STEAP1B: variants seen among roughly 807,000 people sequenced by gnomAD.
STEAP1B encodes STEAP family member 1B.
In STEAP1B, 13 loss-of-function variants were observed where a neutral mutation model predicts 27.9. That is an observed-to-expected ratio of 0.47 (90% confidence interval 0.30 to 0.74). The LOEUF is 0.74. STEAP1B is among the 30% of genes least tolerant of loss of function. STEAP1B has a pLI of 0.06. For synonymous variants in STEAP1B, 86 were observed against 107.1 expected, an observed-to-expected ratio of 0.80 and a Z score of 1.22; for missense variants, 250 against 298.7, an observed-to-expected ratio of 0.84 and a Z score of 1.20.
intron 4 of STEAP1B, among the ~76,000 whole-genome samples, chr7:22,467,795 G>A (rs986889219): frequency 1.3e-5 from 2 of 152,156 alleles, no homozygotes; most frequent in Non-Finnish European, 2.9e-5. Flanking sequence ...AGTCTCGGGT[G>A]TGTCTTTATC....
intron 4 of STEAP1B, among the ~76,000 whole-genome samples, chr7:22,484,891 A>G (rs185845056): frequency 1.2e-4 from 18 of 152,348 alleles, no homozygotes; most frequent in Admixed American, 4.6e-4. Context: ...GAAAAAGTCA[A>G]TGCAGATGTA....
chr7:22,473,801 T>C (rs763275787), intron 4 of STEAP1B, among the ~76,000 whole-genome samples: 2 of 152,154 alleles, frequency 1.3e-5, no homozygotes, highest in Non-Finnish European at 2.9e-5. Flanking sequence ...AGTGCCTCTG[T>C]AGGCTAGATC....
At chr7:22,441,831 C>G (rs901111942) in intron 4 of STEAP1B, among the ~76,000 whole-genome samples, 1 of 152,242 alleles carries the variant, frequency 6.6e-6, no homozygotes, top group Non-Finnish European at 1.5e-5. Context: ...GCTTCACCAC[C>G]TGTATATAAA....
At chr7:22,451,782 T>C (rs1248848800) in intron 4 of STEAP1B, among the ~76,000 whole-genome samples, 2 of 152,212 alleles carry the variant, frequency 1.3e-5, no homozygotes, top group Non-Finnish European at 2.9e-5. Flanking sequence ...TGAATTTGGT[T>C]TGCTATTATT....
At chr7:22,484,344 T>C (rs1015260400) in intron 4 of STEAP1B, among the ~76,000 whole-genome samples, 1 of 152,226 alleles carries the variant, frequency 6.6e-6, no homozygotes, top group African/African-American at 2.4e-5. Flanking sequence ...CTGAAAATCC[T>C]GGGGTCCTTC....
chr7:22,450,978 T>C (rs1785478047), intron 4 of STEAP1B, among the ~76,000 whole-genome samples: 1 of 152,146 alleles, frequency 6.6e-6, no homozygotes. Flanking sequence ...GCAGATCACC[T>C]GAGGTCAGGA....
At chr7:22,479,437 G>T (rs907283943) in intron 4 of STEAP1B, among the ~76,000 whole-genome samples, 4 of 152,172 alleles carry the variant, frequency 2.6e-5, no homozygotes, top group African/African-American at 9.7e-5. Flanking sequence ...TTTCTGCTAG[G>T]TAAGTAGAAA....
intron 4 of STEAP1B, among the ~76,000 whole-genome samples, chr7:22,463,188 G>C (rs1334593387): frequency 1.3e-4 from 19 of 151,902 alleles, no homozygotes. Context: ...CAAATCATGA[G>C]TGAACTCCCA....
chr7:22,450,217 T>C (rs553365356), intron 4 of STEAP1B, among the ~76,000 whole-genome samples: 3 of 150,054 alleles, frequency 2.0e-5, no homozygotes, highest in African/African-American at 7.6e-5. Context: ...ATCACTCAAG[T>C]GCTTGTGGAG....
At chr7:22,439,451 G>A (rs765882422) in intron 4 of STEAP1B, among the ~76,000 whole-genome samples, 2 of 151,170 alleles carry the variant, frequency 1.3e-5, no homozygotes, top group Admixed American at 6.6e-5. Flanking sequence ...TTTCATACAA[G>A]TCATGAAATC....
intron 4 of STEAP1B, among the ~76,000 whole-genome samples, chr7:22,478,063 G>A (rs75281563): frequency 0.11 from 16,051 of 152,168 alleles, 916 homozygotes; most frequent in Non-Finnish European, 0.13. Context: ...GCTGCTGGGC[G>A]GCCTGAGAGT....
intron 2 of STEAP1B, 91 bp from the exon 3 acceptor site, chr7:22,493,927 C>T (rs1786392488): frequency 7.1e-7 from 1 of 1,417,630 alleles, no homozygotes; most frequent in African/African-American, 1.5e-5. Context: ...CATTGTGCTT[C>T]TCATTGAATA....
chr7:22,458,218 T>C (rs931052725), intron 4 of STEAP1B, among the ~76,000 whole-genome samples: 1 of 151,966 alleles, frequency 6.6e-6, no homozygotes. Context: ...GAGGAAAAAA[T>C]GTGATGCCAT....
At chr7:22,433,513 T>C (rs149506448) in intron 4 of STEAP1B, among the ~76,000 whole-genome samples, 2 of 147,466 alleles carry the variant, frequency 1.4e-5, no homozygotes, top group Non-Finnish European at 3.0e-5. Flanking sequence ...GGAGAGAGGA[T>C]TTTCCTGCTC....
intron 4 of STEAP1B, among the ~76,000 whole-genome samples, chr7:22,478,682 G>T (rs79116399): frequency 0.023 from 3,506 of 152,262 alleles, 50 homozygotes; most frequent in South Asian, 0.03. Flanking sequence ...TCTTACTTGG[G>T]GGGGGCTTGG....
chr7:22,489,713 T>A (rs1281647746), intron 4 of STEAP1B, among the ~76,000 whole-genome samples: 2 of 152,128 alleles, frequency 1.3e-5, no homozygotes, highest in African/African-American at 4.8e-5. Context: ...TGGAACAGGC[T>A]CTCCCTCACA....
intron 4 of STEAP1B, among the ~76,000 whole-genome samples, chr7:22,447,352 G>A (rs1209897708): frequency 1.3e-5 from 2 of 152,192 alleles, no homozygotes; most frequent in African/African-American, 4.8e-5. Flanking sequence ...CTTCTTGTGT[G>A]TGTACTGGTC....
intron 4 of STEAP1B, among the ~76,000 whole-genome samples, chr7:22,480,375 CTG>C (rs1562582113): frequency 6.6e-6 from 1 of 152,174 alleles, no homozygotes; most frequent in Non-Finnish European, 1.5e-5. Context: ...TAGTCACAGT[CTG>C]TGAGCGGCAG....
At chr7:22,445,298 T>G (rs1351892009) in intron 4 of STEAP1B, among the ~76,000 whole-genome samples, 1 of 152,240 alleles carries the variant, frequency 6.6e-6, no homozygotes, top group Non-Finnish European at 1.5e-5. Context: ...TCACATGACC[T>G]TCATGTCTTC....
Sources: allele counts gnomAD v4.1 joint callset (sites outside exome capture counted in the v4.1 genomes callset), GRCh38; gene constraint gnomAD v4.1.1; transcripts MANE v1.5; gene names NCBI Gene and HGNC (gene_info 2026-07-23, HGNC 2026-07-21).